RANBP2: variants seen among roughly 807,000 people sequenced by gnomAD.
RANBP2 encodes RAN binding protein 2, also known as E3 SUMO-protein ligase RanBP2.
A neutral mutation model predicts 303.6 loss-of-function variants in RANBP2; 57 were observed. That is an observed-to-expected ratio of 0.19 (90% CI 0.15 to 0.23). RANBP2 has a LOEUF of 0.23. Among genes scored for constraint, RANBP2 ranks in the 10% least tolerant of loss-of-function variants. The pLI, the probability that RANBP2 is intolerant of heterozygous loss-of-function variation, is 1.00. For synonymous variants in RANBP2, 1,167 were observed against 1,301.5 expected, an observed-to-expected ratio of 0.90 and a Z score of 2.23; for missense variants, 3,138 against 3,780.8, an observed-to-expected ratio of 0.83 and a Z score of 4.46.
the RANBP2 span, among the ~76,000 whole-genome samples, chr2:108,955,708 AAAAT>A: frequency 1.3e-5 from 2 of 151,994 alleles, no homozygotes; most frequent in African/African-American, 4.8e-5. Context: ...TCTGTCTCAA[AAAAT>A]AAATAAATAC....
chr2:108,808,804 C>CTT, the RANBP2 span, among the ~76,000 whole-genome samples: 443 of 152,122 alleles, frequency 2.9e-3, 2 homozygotes, highest in Non-Finnish European at 4.5e-3. Context: ...CAGGTTGTAT[C>CTT]ATTATTCTTT....
At chr2:109,570,353 T>C in the RANBP2 span, among the ~76,000 whole-genome samples, 1 of 152,210 alleles carries the variant, frequency 6.6e-6, no homozygotes, top group African/African-American at 2.4e-5. Context: ...TGCTCATTAA[T>C]GTCTTTACAG....
the RANBP2 span, among the ~76,000 whole-genome samples, chr2:109,660,205 C>T: frequency 1.3e-5 from 2 of 152,172 alleles, no homozygotes; most frequent in Non-Finnish European, 2.9e-5. Flanking sequence ...ACTAGTTGGG[C>T]CAAGTCTTCA....
chr2:108,906,414 G>A, the RANBP2 span: 3 of 1,605,084 alleles, frequency 1.9e-6, no homozygotes, highest in Non-Finnish European at 2.6e-6. Flanking sequence ...AGGGGCAACA[G>A]TAGAAAGGAG....
the RANBP2 span, among the ~76,000 whole-genome samples, chr2:109,593,989 G>A: frequency 6.6e-6 from 1 of 152,148 alleles, no homozygotes; most frequent in Non-Finnish European, 1.5e-5. Flanking sequence ...CAGCCTAGAT[G>A]AAAAAATTCA....
At chr2:108,960,285 G>A in the RANBP2 span, among the ~76,000 whole-genome samples, 2 of 152,184 alleles carry the variant, frequency 1.3e-5, no homozygotes, top group Non-Finnish European at 2.9e-5. Context: ...TTAGGAGCTG[G>A]TTTGACACTT....
the RANBP2 span, among the ~76,000 whole-genome samples, chr2:109,339,873 C>A: frequency 6.6e-6 from 1 of 152,302 alleles, no homozygotes; most frequent in African/African-American, 2.4e-5. Context: ...CCTTTCCCTT[C>A]CATAATTAAA....
the RANBP2 span, among the ~76,000 whole-genome samples, chr2:109,672,018 C>T: frequency 1.1e-4 from 17 of 152,050 alleles, no homozygotes; most frequent in South Asian, 2.1e-4. Flanking sequence ...TCCTCCTCCT[C>T]GTCTTTTGTT....
chr2:109,165,795 G>C, the RANBP2 span, among the ~76,000 whole-genome samples: 201 of 152,230 alleles, frequency 1.3e-3, 1 homozygote, highest in Non-Finnish European at 4.6e-4. Flanking sequence ...TAGCATGAGT[G>C]TGTTAAATGA....
chr2:109,304,175 C>A, the RANBP2 span, among the ~76,000 whole-genome samples: 2 of 152,138 alleles, frequency 1.3e-5, no homozygotes, highest in African/African-American at 4.8e-5. Flanking sequence ...TGGAGTCACA[C>A]TGCTGTACAG....
the RANBP2 span, chr2:109,545,833 A>G: frequency 2.1e-6 from 3 of 1,430,868 alleles, no homozygotes; most frequent in East Asian, 7.5e-5. Context: ...CATTTTGGCA[A>G]ATACTGAACA....
the RANBP2 span, among the ~76,000 whole-genome samples, chr2:109,105,759 G>A: frequency 6.6e-6 from 1 of 151,378 alleles, no homozygotes; most frequent in Non-Finnish European, 1.5e-5. Flanking sequence ...GTGTCATCAT[G>A]TTGGTCAGGC....
chr2:109,048,072 G>A, the RANBP2 span, among the ~76,000 whole-genome samples: 1 of 152,212 alleles, frequency 6.6e-6, no homozygotes, highest in African/African-American at 2.4e-5. Context: ...AGCCACTGAA[G>A]TGTGACAGAA....
chr2:109,732,121 G>A, the RANBP2 span, among the ~76,000 whole-genome samples: 15 of 152,164 alleles, frequency 9.9e-5, no homozygotes, highest in Admixed American at 2.0e-4. Flanking sequence ...GCTTCCCAAA[G>A]TGTTGGGATT....
the RANBP2 span, among the ~76,000 whole-genome samples, chr2:108,991,190 G>A: frequency 6.6e-6 from 1 of 152,140 alleles, no homozygotes; most frequent in Admixed American, 6.5e-5. Flanking sequence ...GGTTATGGAT[G>A]GTTATACTTG....
chr2:108,875,319 TAAAAA>T, the RANBP2 span, among the ~76,000 whole-genome samples: 28 of 118,456 alleles, frequency 2.4e-4, no homozygotes, highest in East Asian at 2.1e-3. Flanking sequence ...TAAAGTATAA[TAAAAA>T]AAAAAAAAAA....
the RANBP2 span, among the ~76,000 whole-genome samples, chr2:108,983,789 G>T: frequency 6.6e-6 from 1 of 152,210 alleles, no homozygotes; most frequent in Non-Finnish European, 1.5e-5. Context: ...AACAGGTCTG[G>T]CATGCTGGCC....
At chr2:109,682,571 A>G in the RANBP2 span, among the ~76,000 whole-genome samples, 2 of 152,160 alleles carry the variant, frequency 1.3e-5, 1 homozygote, top group South Asian at 4.2e-4. Context: ...CCCTACCTAC[A>G]TGAAGACGGG....
At chr2:108,736,346 G>A (rs1354650220) in intron 6 of RANBP2, 97 bp downstream of exon 6, 40 of 1,600,684 alleles carry the variant, frequency 2.5e-5, no homozygotes, top group Non-Finnish European at 3.4e-6. Context: ...ATCATTATTT[G>A]TATAATGTAC....
Sources: gnomAD v4.1 joint callset for allele counts (sites outside exome capture counted in the v4.1 genomes callset) on GRCh38, gnomAD v4.1.1 for gene constraint, MANE v1.5 for transcripts, NCBI Gene and HGNC (gene_info 2026-07-23, HGNC 2026-07-21) for gene names.